ING3: variants seen among roughly 807,000 people sequenced by gnomAD.
ING3 encodes the protein inhibitor of growth protein 3.
Under a neutral mutation model 64.8 loss-of-function variants are expected in ING3, and 6 were observed. The ratio of observed to expected loss-of-function variants is 0.09; its 90% confidence interval spans 0.05 to 0.18. The LOEUF is 0.18. Among genes scored for constraint, ING3 ranks in the 10% least tolerant of loss-of-function variants. ING3 has a pLI of 1.00. For missense variants in ING3, 310 were observed against 489.7 expected, an observed-to-expected ratio of 0.63 and a Z score of 3.46; for synonymous variants, 170 against 173.7, an observed-to-expected ratio of 0.98 and a Z score of 0.17.
In ING3 at chr7:120,976,759, A is replaced by G. The variant is rs951187092; in HGVS notation, c.*1915A>G. 1 of 152,190 alleles carries G rather than the reference A, an allele frequency of 6.6e-6. No individual in the cohort carries two copies. The allele number at this position is 152,190 out of a possible 1,614,324, so 9.4% of individuals were successfully genotyped here. ...GAACATCCTGTTATCCAGCTGCTAC[A>G]TCCCCTTTCAGTGTGAATTCCACTC... On this transcript the variant is annotated 3_prime_UTR_variant, in exon 12 of 12. Transcript: ENST00000315870.
At chr7:120,964,704 C>T (rs950899811) in intron 4 of ING3, 38 bp from the exon 5 acceptor site, 2 of 1,563,274 alleles carry the variant, frequency 1.3e-6, no homozygotes, top group Admixed American at 3.3e-5. Flanking sequence ...AACAGTGTCC[C>T]AAATTTTGGT....
chr7:120,974,895 A>G lies in ING3; in HGVS notation c.*51A>G, dbSNP rs368647414. The G allele has an allele frequency of 3.2e-6, 4 of 1,254,902 alleles. No individual in the cohort carries two copies. The highest frequency in any genetic ancestry group is 3.4e-6 in the Non-Finnish European group (3 of 880,614). 77.7% of individuals were successfully genotyped at this position (1,254,902 alleles called of 1,614,324 possible). A position where few individuals can be genotyped will look rare whatever the true frequency, so the allele number is the denominator to read the frequency against. ...AATAAACTTCAGCTGAAGATTTTATATAGGACTTTAAAAAGAAGAGAAGAG... is the reference window on the plus strand; with the variant it reads ...AATAAACTTCAGCTGAAGATTTTATGTAGGACTTTAAAAAGAAGAGAAGAG... On this transcript the variant is annotated 3_prime_UTR_variant, in exon 12 of 12. Transcript: ENST00000315870.
intron 6 of ING3, 38 bp from the exon 7 acceptor site, chr7:120,967,491 A>T: frequency 7.0e-7 from 1 of 1,434,322 alleles, no homozygotes. Context: ...ATAGTTCTCT[A>T]AAGTTTAAAA....
chr7:120,967,816 T>A, intron 7 of ING3, 118 bp from the exon 8 acceptor site: 1 of 1,262,410 alleles, frequency 7.9e-7, no homozygotes, highest in African/African-American at 1.5e-5. Flanking sequence ...TGACTTAATG[T>A]ACAAGTGACA....
intron 2 of ING3, among the ~76,000 whole-genome samples, chr7:120,952,836 T>C (rs922755216): frequency 3.9e-5 from 6 of 152,080 alleles, no homozygotes; most frequent in African/African-American, 9.7e-5. Context: ...CTAGAATTAA[T>C]GTTTAAATGA....
At chr7:120,969,866 A>C (rs562087864) in intron 9 of ING3, among the ~76,000 whole-genome samples, 1 of 152,300 alleles carries the variant, frequency 6.6e-6, no homozygotes, top group African/African-American at 2.4e-5. Context: ...ATTTTTTGTG[A>C]ATTAATCCCT....
At chr7:120,958,815 T>TGTA (rs1795888493) in intron 4 of ING3, among the ~76,000 whole-genome samples, 1 of 152,242 alleles carries the variant, frequency 6.6e-6, no homozygotes, top group Non-Finnish European at 1.5e-5. Context: ...AATCGTGTCG[T>TGTA]GACCGTGACT....
intron 2 of ING3, among the ~76,000 whole-genome samples, chr7:120,952,169 A>G (rs1428832463): frequency 1.3e-5 from 2 of 152,232 alleles, no homozygotes; most frequent in East Asian, 3.8e-4. Context: ...TCACAAATTC[A>G]TTTTAATTTT....
intron 4 of ING3, chr7:120,956,355 G>T (rs1478440470): frequency 7.3e-7 from 1 of 1,370,528 alleles, no homozygotes; most frequent in Non-Finnish European, 9.4e-7. Context: ...GCTAACTTCA[G>T]TGTATAGATT....
intron 9 of ING3, among the ~76,000 whole-genome samples, chr7:120,970,235 G>GGCAGCACTT (rs1464872669): frequency 6.6e-6 from 1 of 152,122 alleles, no homozygotes; most frequent in African/African-American, 2.4e-5. Flanking sequence ...GGAGGCCGAG[G>GGCAGCACTT]TGGGCAGATC....
intron 3 of ING3, 41 bp downstream of exon 3, chr7:120,953,445 G>T: frequency 8.4e-7 from 1 of 1,195,206 alleles, no homozygotes; most frequent in South Asian, 1.3e-5. Context: ...GAAATATTGG[G>T]ACCCTCTGAA....
intron 3 of ING3, among the ~76,000 whole-genome samples, chr7:120,954,325 CTG>C (rs1182045258): frequency 2.0e-5 from 3 of 151,902 alleles, no homozygotes; most frequent in Non-Finnish European, 4.4e-5. Context: ...ACTCGAGAGA[CTG>C]AGACAGGAGA....
At chr7:120,966,724 T>G in intron 6 of ING3, 27 bp downstream of exon 6, 1 of 1,533,416 alleles carries the variant, frequency 6.5e-7, no homozygotes. Context: ...GCAGCTAAGT[T>G]TTAAAAACAA....
intron 11 of ING3, among the ~76,000 whole-genome samples, chr7:120,974,104 T>TG (rs1343396490): frequency 6.6e-6 from 1 of 152,180 alleles, no homozygotes; most frequent in African/African-American, 2.4e-5. Context: ...TAAACTCTTC[T>TG]GGGGCAGTTA....
intron 4 of ING3, among the ~76,000 whole-genome samples, chr7:120,959,088 G>T (rs548046416): frequency 5.9e-5 from 9 of 152,146 alleles, no homozygotes; most frequent in Non-Finnish European, 1.3e-4. Flanking sequence ...GCCTGCTCTA[G>T]ATGCTCCCAC....
chr7:120,953,068 G>GA (rs1318173023), intron 2 of ING3, among the ~76,000 whole-genome samples: 1 of 151,932 alleles, frequency 6.6e-6, no homozygotes, highest in Non-Finnish European at 1.5e-5. Flanking sequence ...TTGGCTGTTG[G>GA]AAAAAATTTT....
intron 4 of ING3, among the ~76,000 whole-genome samples, chr7:120,959,266 A>C (rs1046958047): frequency 6.6e-6 from 1 of 152,246 alleles, no homozygotes. Context: ...AACAAATTCC[A>C]CAGCGTAAAG....
At chr7:120,959,991 A>G (rs1354661195) in intron 4 of ING3, among the ~76,000 whole-genome samples, 2 of 152,170 alleles carry the variant, frequency 1.3e-5, no homozygotes, top group Admixed American at 6.5e-5. Context: ...ATAAGTACAC[A>G]GGAGGAAATA....
At position 120,967,950 on chromosome 7, in the gene ING3, T is replaced by C. The variant is rs939685634; in HGVS notation, c.573T>C (p.Asn191=). 7 of 1,613,984 alleles carry C rather than the reference T, an allele frequency of 4.3e-6. No individual in the cohort carries two copies. The African/African-American group carries it at 9.3e-5, about 22-fold the overall frequency. The change falls in exon 8 of 12, where the codon AAT becomes AAC. Residue 191 remains asparagine (N), a synonymous_variant. Transcript: ENST00000315870. ...TCTACACAGGTTGTCGAAATAATAATTCCACAGCCTCTTCTAACAATGCCT... is the reference window on the plus strand; with the variant it reads ...TCTACACAGGTTGTCGAAATAATAACTCCACAGCCTCTTCTAACAATGCCT... The part of the protein sequence containing the change: ...KENTLGCRNN[N]STASSNNAYN...
Sources: gnomAD v4.1 joint callset for allele counts (sites outside exome capture counted in the v4.1 genomes callset) on GRCh38, gnomAD v4.1.1 for gene constraint, MANE v1.5 for transcripts, NCBI Gene and HGNC (gene_info 2026-07-23, HGNC 2026-07-21) for gene names.